SEL1L: variants seen among roughly 807,000 people sequenced by gnomAD.
SEL1L encodes protein sel-1 homolog 1.
A neutral mutation model predicts 109.8 loss-of-function variants in SEL1L; 52 were observed. The observed-to-expected ratio is 0.47, with a 90% CI of 0.38 to 0.60. The LOEUF (loss-of-function observed/expected upper bound fraction) is 0.60, where lower values mean the gene tolerates loss of function less well. SEL1L is among the 20% of genes least tolerant of loss of function. The pLI is 0.00. For synonymous variants in SEL1L, 373 were observed against 339.6 expected (o/e 1.10, Z -1.08); for missense variants, 749 against 962.2 (o/e 0.78, Z 2.93).
chr14:81,518,055 C>T (rs1024942033), intron 3 of SEL1L, among the ~76,000 whole-genome samples: 5 of 151,976 alleles, frequency 3.3e-5, no homozygotes, highest in African/African-American at 1.2e-4. Flanking sequence ...CCATACCTAG[C>T]TAATTTTTTA....
chr14:81,492,671 A>G, intron 11 of SEL1L, 123 bp from the exon 12 acceptor site: 4 of 623,072 alleles, frequency 6.4e-6, no homozygotes, highest in Non-Finnish European at 1.1e-5. Flanking sequence ...TTTAAAAACA[A>G]GAATACCCAG....
Position 81,521,090 on chromosome 14 carries a change from G to T in SEL1L, c.340+5643C>A, listed in dbSNP as rs186102149. ...TACTAGGTTAGGATCTCTGATTCTT[G>T]TAAGTTCAATTTGTCAATCTGATTT... is the stretch of plus-strand genomic sequence containing the variant. On this transcript the variant is annotated intron_variant, in intron 3 of 20. Transcript: ENST00000336735. 2.2e-3 allele frequency among the ~76,000 whole-genome samples: 329 copies of T among 152,266 alleles called. 2 individuals are homozygous for T. In the Middle Eastern group the frequency reaches 0.037, roughly 17 times the overall value.
chr14:81,526,185 A>G (rs1885105870), intron 3 of SEL1L, among the ~76,000 whole-genome samples: 1 of 152,198 alleles, frequency 6.6e-6, no homozygotes, highest in Non-Finnish European at 1.5e-5. Context: ...TAATATTTAG[A>G]AGACTATTGT....
intron 11 of SEL1L, 82 bp downstream of exon 11, chr14:81,494,999 G>T (rs77277181): frequency 1.5e-6 from 2 of 1,330,210 alleles, no homozygotes; most frequent in Non-Finnish European, 2.1e-6. Flanking sequence ...TTTGATACTG[G>T]TATTGACTTA....
chr14:81,495,214 AT>A, intron 10 of SEL1L, 77 bp from the exon 11 acceptor site: 1 of 1,330,098 alleles, frequency 7.5e-7, no homozygotes, highest in East Asian at 2.3e-5. Flanking sequence ...ACAAGAAATG[AT>A]TTGGTCGTAA....
chr14:81,522,489 G>A (rs1248110336), intron 3 of SEL1L, among the ~76,000 whole-genome samples: 2 of 152,122 alleles, frequency 1.3e-5, no homozygotes, highest in East Asian at 1.9e-4. Flanking sequence ...AGCTGAGTAC[G>A]GTATTCAATA....
At chr14:81,480,724 A>G (rs1379079369) in intron 19 of SEL1L, among the ~76,000 whole-genome samples, 1 of 152,182 alleles carries the variant, frequency 6.6e-6, no homozygotes, top group Non-Finnish European at 1.5e-5. Context: ...TTTCCAAAAA[A>G]AGAAACAGAT....
At chr14:81,523,230 T>C (rs1595535403) in intron 3 of SEL1L, among the ~76,000 whole-genome samples, 1 of 151,994 alleles carries the variant, frequency 6.6e-6, no homozygotes. Context: ...TACAGTCCCA[T>C]CCCCCAACCT....
chr14:81,486,737 C>T (rs1484572240), intron 16 of SEL1L, among the ~76,000 whole-genome samples: 3 of 151,756 alleles, frequency 2.0e-5, no homozygotes, highest in Non-Finnish European at 2.9e-5. Flanking sequence ...TGTATATTAC[C>T]ATTCTTAATC....
At chr14:81,521,186 A>G (rs1436639083) in intron 3 of SEL1L, among the ~76,000 whole-genome samples, 1 of 152,206 alleles carries the variant, frequency 6.6e-6, no homozygotes, top group Non-Finnish European at 1.5e-5. Context: ...TCCTAACCCA[A>G]TGCACCAAAA....
intron 3 of SEL1L, among the ~76,000 whole-genome samples, chr14:81,507,340 G>A (rs1327830953): frequency 6.6e-6 from 1 of 152,108 alleles, no homozygotes; most frequent in Non-Finnish European, 1.5e-5. Flanking sequence ...AGCAATGGTA[G>A]CCCAGAGAGG....
intron 3 of SEL1L, among the ~76,000 whole-genome samples, chr14:81,512,823 TATTC>T (rs1488374456): frequency 1.3e-5 from 2 of 152,242 alleles, no homozygotes; most frequent in Non-Finnish European, 2.9e-5. Context: ...GCGTTTTAAT[TATTC>T]ATTCATGATC....
At chr14:81,516,134 C>A (rs1002419816) in intron 3 of SEL1L, among the ~76,000 whole-genome samples, 2 of 152,198 alleles carry the variant, frequency 1.3e-5, no homozygotes, top group African/African-American at 2.4e-5. Context: ...TTCTCTGGAC[C>A]AGAAGCCCCC....
chr14:81,507,421 G>A (rs1003952781), intron 3 of SEL1L, among the ~76,000 whole-genome samples: 7 of 152,054 alleles, frequency 4.6e-5, no homozygotes. Context: ...CTTTCTAGAT[G>A]TGTGGATAAG....
intron 19 of SEL1L, among the ~76,000 whole-genome samples, chr14:81,480,068 T>C (rs1335932642): frequency 1.3e-5 from 2 of 152,202 alleles, no homozygotes; most frequent in African/African-American, 4.8e-5. Flanking sequence ...TCACACTAAT[T>C]TTTTGCTACT....
chr14:81,502,166 T>C (rs1324458183), intron 6 of SEL1L, among the ~76,000 whole-genome samples: 1 of 152,134 alleles, frequency 6.6e-6, no homozygotes, highest in African/African-American at 2.4e-5. Context: ...CAATAGACAG[T>C]GATATCTCAT....
At chr14:81,527,072 A>C (rs1885142017) in intron 2 of SEL1L, 108 bp from the exon 3 acceptor site, 1 of 777,110 alleles carries the variant, frequency 1.3e-6, no homozygotes, top group South Asian at 1.6e-5. Flanking sequence ...CAGCTCCTTG[A>C]AGTGCCACAC....
Position 81,511,163 on chromosome 14 carries a change from C to A in SEL1L, c.341-4922G>T, listed in dbSNP as rs191940972. ...GAAACTATCTTTGTAAATAAACACA[C>A]GCTATACGAAGAAAGCCACCACTTT... is the stretch of plus-strand genomic sequence containing the variant. On this transcript the variant is annotated intron_variant, in intron 3 of 20. Coordinates refer to ENST00000336735, the MANE Select transcript of SEL1L (RefSeq NM_005065.6). Among the ~76,000 whole-genome samples the A allele has an allele frequency of 2.3e-4, 35 of 152,300 alleles. No homozygotes were observed. In the Middle Eastern group the frequency reaches 0.017, roughly 74 times the overall value.
intron 10 of SEL1L, among the ~76,000 whole-genome samples, chr14:81,495,393 C>T (rs1217261160): frequency 6.6e-6 from 1 of 152,200 alleles, no homozygotes; most frequent in Admixed American, 6.5e-5. Flanking sequence ...AACCTCAACA[C>T]TTTGGGAGGT....
Sources: gnomAD v4.1 joint callset for allele counts (sites outside exome capture counted in the v4.1 genomes callset) on GRCh38, gnomAD v4.1.1 for gene constraint, MANE v1.5 for transcripts, NCBI Gene and HGNC (gene_info 2026-07-23, HGNC 2026-07-21) for gene names.